The following PXDN variants were observed in gnomAD, a reference collection of about 807,000 sequenced individuals.
PXDN encodes the protein peroxidasin.
Under a neutral mutation model 140.3 loss-of-function variants are expected in PXDN, and 77 were observed. The observed-to-expected ratio is 0.55, with a 90% CI of 0.46 to 0.66. PXDN has a LOEUF of 0.66. Among genes scored for constraint, PXDN ranks in the 30% least tolerant of loss-of-function variants. PXDN has a pLI of 0.00. For missense variants in PXDN, 1,838 were observed against 2,039.5 expected, an observed-to-expected ratio of 0.90 and a Z score of 1.90; for synonymous variants, 911 against 857.4, an observed-to-expected ratio of 1.06 and a Z score of -1.09.
intron 1 of PXDN, among the ~76,000 whole-genome samples, chr2:1,723,192 T>C (rs1240370879): frequency 4.6e-5 from 7 of 151,858 alleles, no homozygotes; most frequent in Admixed American, 4.6e-4. Context: ...AATGGACAGA[T>C]GGATGAATGA....
chr2:1,643,199 G>A (rs935502339), intron 19 of PXDN, among the ~76,000 whole-genome samples, 169 bp downstream of exon 19: 1 of 152,076 alleles, frequency 6.6e-6, no homozygotes, highest in Non-Finnish European at 1.5e-5. Flanking sequence ...CATATTTTTG[G>A]CTCCGCAGTC....
At chr2:1,698,638 G>A (rs1684350878) in intron 1 of PXDN, among the ~76,000 whole-genome samples, 1 of 152,124 alleles carries the variant, frequency 6.6e-6, no homozygotes. Context: ...TCGGCCCAGG[G>A]CTCTTTTCTC....
At chr2:1,679,924 GGTGT>G (rs762992690) in intron 7 of PXDN, among the ~76,000 whole-genome samples, 48 of 129,394 alleles carry the variant, frequency 3.7e-4, no homozygotes, top group East Asian at 1.4e-3. Flanking sequence ...GTGTGTGGAT[GGTGT>G]GTGTGTGTAT....
intron 1 of PXDN, among the ~76,000 whole-genome samples, chr2:1,701,291 G>T (rs1005803658): frequency 1.3e-5 from 2 of 152,236 alleles, no homozygotes. Context: ...CATGCACTTG[G>T]GGTGAATGTC....
intron 6 of PXDN, among the ~76,000 whole-genome samples, chr2:1,680,669 G>A (rs1016087875): frequency 6.6e-5 from 10 of 151,548 alleles, no homozygotes; most frequent in Admixed American, 4.6e-4. Flanking sequence ...AGCTCAAGGC[G>A]AGGGAGTGTG....
Position 1,639,493 on chromosome 2 carries a change from C to T in PXDN, c.3953-71G>A, listed in dbSNP as rs1367190934. The T allele has an allele frequency of 1.2e-6, 2 of 1,603,924 alleles. No individual in the cohort carries two copies. The highest frequency in any genetic ancestry group is 2.7e-5 in the African/African-American group (2 of 74,684). Reference sequence around the variant, plus strand: ...CCTCGGGGAAATTAAGCACATCCTGCCAACTATGAAGTCTTCACTGGCTGC... The same window carrying T: ...CCTCGGGGAAATTAAGCACATCCTGTCAACTATGAAGTCTTCACTGGCTGC... On this transcript the variant is annotated intron_variant, in intron 19 of 22. Coordinates refer to ENST00000252804, the MANE Select transcript of PXDN (RefSeq NM_012293.3). The surrounding 1 kb of genome is among the most constrained non-coding windows in gnomAD (Gnocchi z 5.0).
chr2:1,657,319 C>CTG, intron 14 of PXDN, among the ~76,000 whole-genome samples: 1 of 146,340 alleles, frequency 6.8e-6, no homozygotes, highest in African/African-American at 2.5e-5. Context: ...CCCCTCCTGA[C>CTG]AGAAACCAGC....
intron 6 of PXDN, 110 bp downstream of exon 6, chr2:1,683,546 A>ACATGTTTTTCACTTTGCTCTCTAATGG: frequency 2.3e-6 from 1 of 434,336 alleles, no homozygotes; most frequent in Non-Finnish European, 3.5e-6. Flanking sequence ...ATTCTTTCAG[A>ACATGTTTTTCACTTTGCTCTCTAATGG]ATCAGATTGT....
rs1477496 is a variant in PXDN at position 1,654,778 on chromosome 2, C to T, written c.1838-270G>A. ...ATAATGTGAAGCATGGAAGATCTTACGCTATATGCAACAGCATGTGGGAGG... is the reference window on the plus strand; with the variant it reads ...ATAATGTGAAGCATGGAAGATCTTATGCTATATGCAACAGCATGTGGGAGG... On this transcript the variant is annotated intron_variant, in intron 14 of 22. Transcript: ENST00000252804. 0.82 allele frequency among the ~76,000 whole-genome samples: 124,360 copies of T among 152,112 alleles called. 52,237 individuals are homozygous for T. Among genetic ancestry groups the T allele is most frequent in the East Asian group, 0.99 (5,125 of 5,172 alleles).
At position 1,648,355 on chromosome 2, in the gene PXDN, C is replaced by T. The variant is rs1682905108; in HGVS notation, c.3425G>A (p.Arg1142Gln). The T allele has an allele frequency of 1.2e-6, 2 of 1,613,632 alleles. No individual in the cohort carries two copies. Among genetic ancestry groups the T allele is most frequent in the East Asian group, 2.2e-5 (1 of 44,860 alleles). Residue 1142 changes from arginine (R) to glutamine (Q), a missense_variant, in exon 17 of 23, where the codon CGG becomes CAG. Around this residue, in one of 5 missense-constraint regions of PXDN, gnomAD observed 850 missense variants for 894.1 expected, o/e 0.95. Transcript: ENST00000252804. This position sits in a 1 kb window ranked among gnomAD's most constrained non-coding sequence, Gnocchi z 8.9. ...CACCGTGTGTGCCATGGAGAACAGC[C>T]GCTCCGTGAGCTCCGTGTTCAGCAG... ...SQLLNTELTE[R>Q]LFSMAHTVAL...
At chr2:1,728,522 C>G (rs181524939) in intron 1 of PXDN, among the ~76,000 whole-genome samples, 2 of 152,368 alleles carry the variant, frequency 1.3e-5, no homozygotes, top group South Asian at 4.1e-4. Flanking sequence ...ATACCCAGGT[C>G]CACAGCTGAG....
intron 1 of PXDN, among the ~76,000 whole-genome samples, chr2:1,728,105 A>G (rs1342625760): frequency 1.3e-5 from 2 of 152,064 alleles, no homozygotes; most frequent in African/African-American, 4.8e-5. Flanking sequence ...TGTGCAGCTA[A>G]TTTTTGTATT....
At chr2:1,683,370 C>T (rs897009207) in intron 6 of PXDN, among the ~76,000 whole-genome samples, 2 of 152,118 alleles carry the variant, frequency 1.3e-5, no homozygotes, top group Admixed American at 1.3e-4. Context: ...GAGCTGTGAT[C>T]ATGCCACTGC....
chr2:1,730,259 GAT>G (rs1429693881), intron 1 of PXDN, among the ~76,000 whole-genome samples: 5 of 152,176 alleles, frequency 3.3e-5, no homozygotes, highest in Non-Finnish European at 7.3e-5. Flanking sequence ...AAGAAAGCTG[GAT>G]GATGCAATTA....
At position 1,638,726 on chromosome 2, in the gene PXDN, G is replaced by T. The variant is rs540482094; in HGVS notation, c.4206+120C>A. 4.8e-6 allele frequency: 7 copies of T among 1,466,240 alleles called. No homozygotes were observed. In the African/African-American group the frequency reaches 8.3e-5, roughly 17 times the overall value. The allele number at this position is 1,466,240 out of a possible 1,614,324, so 90.8% of individuals were successfully genotyped here. ...ACACCCCCAAGGCTCCAGGGTCTGG[G>T]TCCTGTGTGGGCAGTTGAACAGTTG... On this transcript the variant is annotated intron_variant, in intron 21 of 22. Coordinates refer to ENST00000252804, the MANE Select transcript of PXDN (RefSeq NM_012293.3).
intron 8 of PXDN, chr2:1,676,541 TG>T (rs765071412): frequency 5.6e-5 from 14 of 251,148 alleles, no homozygotes; most frequent in Non-Finnish European, 9.5e-5. Flanking sequence ...CCACTCAGGT[TG>T]GTCACAATGC....
chr2:1,692,014 C>A lies in PXDN; in HGVS notation c.273-15G>T. 1 of 1,485,888 alleles carries A rather than the reference C, an allele frequency of 6.7e-7. No homozygotes were observed. The highest frequency in any genetic ancestry group is 1.3e-5 in the South Asian group (1 of 76,878). 92.0% of individuals were successfully genotyped at this position (1,485,888 alleles called of 1,614,324 possible). On this transcript the variant is annotated splice_polypyrimidine_tract_variant and intron_variant, in intron 2 of 22. Coordinates refer to ENST00000252804, the MANE Select transcript of PXDN (RefSeq NM_012293.3). ...TATTGAGAAGCCTATGAAAGAGAGTCGATAAGAATTTTAAAAAACAACAGA... is the reference window on the plus strand; with the variant it reads ...TATTGAGAAGCCTATGAAAGAGAGTAGATAAGAATTTTAAAAAACAACAGA...
rs530106505 is a variant in PXDN, at chr2:1,658,843, C to T, written c.1837+2038G>A. On this transcript the variant is annotated intron_variant, in intron 14 of 22. Coordinates refer to ENST00000252804, the MANE Select transcript of PXDN (RefSeq NM_012293.3). ...GCCCCTGCCACCCCCCATCTCCCCGCGGCTCCCTCTGCTCAGAATTCAATA... is the reference window on the plus strand; with the variant it reads ...GCCCCTGCCACCCCCCATCTCCCCGTGGCTCCCTCTGCTCAGAATTCAATA... Among the ~76,000 whole-genome samples, 67 of 150,788 alleles carry T rather than the reference C, an allele frequency of 4.4e-4. 1 individual carries two copies. The highest frequency in any genetic ancestry group is 6.8e-4 in the Non-Finnish European group (46 of 67,734).
At position 1,634,096 on chromosome 2, in the gene PXDN, T is replaced by A. The variant is rs1422351163; in HGVS notation, c.*108A>T. The A allele has an allele frequency of 4.1e-6, 6 of 1,452,852 alleles. No homozygotes were observed. In the South Asian group the frequency reaches 6.9e-5, roughly 17 times the overall value. 90.0% of individuals were successfully genotyped at this position (1,452,852 alleles called of 1,614,324 possible). Reference sequence around the variant, plus strand: ...GCACCAGCTGGACGTTGTCATGAAATGTCACGAGTTCTGGGTGTTTCCTGG... The same window carrying A: ...GCACCAGCTGGACGTTGTCATGAAAAGTCACGAGTTCTGGGTGTTTCCTGG... On this transcript the variant is annotated 3_prime_UTR_variant, in exon 23 of 23. Coordinates refer to ENST00000252804, the MANE Select transcript of PXDN (RefSeq NM_012293.3).
Sources: gnomAD v4.1 joint callset for allele counts (sites outside exome capture counted in the v4.1 genomes callset) on GRCh38, gnomAD v4.1.1 for gene constraint, gnomAD v4.1.1 regional missense constraint, Gnocchi (gnomAD v3.1) non-coding constraint, MANE v1.5 for transcripts, NCBI Gene and HGNC (gene_info 2026-07-23, HGNC 2026-07-21) for gene names.